The following CDHR3 variants were observed in gnomAD, a reference collection of about 807,000 sequenced individuals.
CDHR3 encodes the protein cadherin related family member 3.
CDHR3 carries 79 observed loss-of-function variants against 86.6 expected under a neutral mutation model. The ratio of observed to expected loss-of-function variants is 0.91; its 90% CI spans 0.76 to 1.10. CDHR3 has a LOEUF of 1.10. CDHR3 is among the 50% of genes least tolerant of loss of function. The pLI, the probability that CDHR3 is intolerant of heterozygous loss-of-function variation, is 0.00. For missense variants in CDHR3, 1,081 were observed against 1,077.6 expected, an observed-to-expected ratio of 1.00 and a Z score of -0.04; for synonymous variants, 421 against 402.4, an observed-to-expected ratio of 1.05 and a Z score of -0.55.
At chr7:105,989,488 G>A (rs1831034994) in intron 4 of CDHR3, among the ~76,000 whole-genome samples, 1 of 152,006 alleles carries the variant, frequency 6.6e-6, no homozygotes, top group Non-Finnish European at 1.5e-5. Context: ...CTTCACCAAG[G>A]CAGACAAAGG....
chr7:106,017,352 A>T (rs1481383433), intron 11 of CDHR3, among the ~76,000 whole-genome samples: 2 of 152,052 alleles, frequency 1.3e-5, no homozygotes, highest in Admixed American at 6.6e-5. Flanking sequence ...AGGTCAGGAG[A>T]TCGAAACCAG....
At chr7:105,972,183 A>G (rs1379043164) in intron 1 of CDHR3, among the ~76,000 whole-genome samples, 1 of 152,132 alleles carries the variant, frequency 6.6e-6, no homozygotes, top group Admixed American at 6.5e-5. Context: ...TCAGATGTGT[A>G]CAATGGTGAC....
chr7:105,975,768 C>T (rs1828706897), intron 2 of CDHR3, among the ~76,000 whole-genome samples: 1 of 152,158 alleles, frequency 6.6e-6, no homozygotes, highest in Non-Finnish European at 1.5e-5. Context: ...GTATTCCCTG[C>T]CCCCACCTCC....
chr7:105,984,180 A>C lies in CDHR3; in HGVS notation c.416-12A>C. On this transcript the variant is annotated splice_polypyrimidine_tract_variant and intron_variant, in intron 3 of 18. Transcript: ENST00000317716. The stretch of plus-strand genomic sequence containing the variant: ...TAAGATGTTTCTTATTCCACTTTGG[A>C]CACTGGTCTAGGTCTACACCTCTAC... 6.6e-7 allele frequency: 1 copy of C among 1,506,222 alleles called. No individual in the cohort carries two copies. 93.3% of individuals were successfully genotyped at this position (1,506,222 alleles called of 1,614,324 possible). A position where few individuals can be genotyped will look rare whatever the true frequency, so the allele number is the denominator to read the frequency against.
intron 6 of CDHR3, among the ~76,000 whole-genome samples, chr7:105,998,413 TGGTG>T (rs1832596738): frequency 1.3e-5 from 2 of 152,332 alleles, no homozygotes; most frequent in African/African-American, 4.8e-5. Flanking sequence ...TTACCCCTGG[TGGTG>T]ACAAATGTCA....
At chr7:105,984,776 T>G (rs1293078260) in intron 4 of CDHR3, among the ~76,000 whole-genome samples, 2 of 152,058 alleles carry the variant, frequency 1.3e-5, no homozygotes, top group Non-Finnish European at 2.9e-5. Context: ...GAGCCAAGTT[T>G]AAAAAATTAA....
intron 8 of CDHR3, among the ~76,000 whole-genome samples, chr7:106,007,756 C>T (rs534538011): frequency 2.6e-5 from 4 of 152,206 alleles, no homozygotes; most frequent in Admixed American, 2.6e-4. Flanking sequence ...TTCTTTTAAG[C>T]CCACCAAACT....
At chr7:106,007,883 A>G (rs1396927380) in intron 8 of CDHR3, among the ~76,000 whole-genome samples, 1 of 152,220 alleles carries the variant, frequency 6.6e-6, no homozygotes, top group African/African-American at 2.4e-5. Flanking sequence ...TCATACTGCT[A>G]ATAAAGACAT....
rs1266746703 is a variant in CDHR3, at chr7:105,966,382, A to G, written c.46+3018A>G. On this transcript the variant is annotated intron_variant, in intron 1 of 18. Coordinates refer to ENST00000317716, the MANE Select transcript of CDHR3 (RefSeq NM_152750.5). ...AAAAGGTACCAAACCCATCCAACTG[A>G]GTTTGTCCGCAAGCTCTGGGCAAGA... 2.6e-5 allele frequency among the ~76,000 whole-genome samples: 4 copies of G among 152,150 alleles called. No homozygotes were observed. In the East Asian group the frequency reaches 7.7e-4, roughly 29 times the overall value.
chr7:106,003,393 C>A (rs1041400446), intron 7 of CDHR3, among the ~76,000 whole-genome samples: 4 of 152,172 alleles, frequency 2.6e-5, no homozygotes, highest in African/African-American at 9.7e-5. Context: ...CTATAACCAT[C>A]TTTTTCTGGG....
chr7:106,031,798 A>G (rs975284281), intron 18 of CDHR3, among the ~76,000 whole-genome samples: 13 of 152,100 alleles, frequency 8.5e-5, no homozygotes, highest in Admixed American at 2.6e-4. Context: ...TTGAGAGAAA[A>G]AAAAAAAAAG....
chr7:106,019,427 C>G (rs73195667), intron 12 of CDHR3, among the ~76,000 whole-genome samples: 6,100 of 150,802 alleles, frequency 0.04, 169 homozygotes, highest in South Asian at 0.13. Context: ...GGACTCCACT[C>G]TGGGGGCTAA....
chr7:106,018,206 T>C, intron 12 of CDHR3, 134 bp downstream of exon 12: 1 of 672,540 alleles, frequency 1.5e-6, no homozygotes, highest in South Asian at 1.9e-5. Flanking sequence ...GAGAAACAAG[T>C]AAAGGTGCCC....
chr7:105,978,389 C>T (rs1404206612), intron 2 of CDHR3, among the ~76,000 whole-genome samples: 5 of 152,186 alleles, frequency 3.3e-5, no homozygotes, highest in Admixed American at 3.3e-4. Context: ...CTTGACTCCC[C>T]TCTTTTCCCA....
At position 105,964,439 on chromosome 7, in the gene CDHR3, T is replaced by C. The variant is rs574617296; in HGVS notation, c.46+1075T>C. 1.1e-4 allele frequency among the ~76,000 whole-genome samples: 17 copies of C among 152,234 alleles called. No individual in the cohort carries two copies. The East Asian group carries it at 3.3e-3, about 29-fold the overall frequency. On this transcript the variant is annotated intron_variant, in intron 1 of 18. Coordinates refer to ENST00000317716, the MANE Select transcript of CDHR3 (RefSeq NM_152750.5). ...ACATTTATATTCTTCTTCTCCTATG[T>C]CTATAGCTCCTATTTTTTTCTTATC... is the stretch of plus-strand genomic sequence containing the variant.
At chr7:106,027,214 G>A (rs751905612) in intron 16 of CDHR3, among the ~76,000 whole-genome samples, 1 of 152,060 alleles carries the variant, frequency 6.6e-6, no homozygotes, top group Non-Finnish European at 1.5e-5. Context: ...GGCCAGCATG[G>A]TGAAACCCCC....
chr7:105,989,579 T>C (rs935812225), intron 4 of CDHR3, among the ~76,000 whole-genome samples: 7 of 152,214 alleles, frequency 4.6e-5, no homozygotes, highest in Middle Eastern at 6.8e-3. Context: ...TTTCTGTCTT[T>C]ATCTTGCTCA....
intron 8 of CDHR3, among the ~76,000 whole-genome samples, chr7:106,007,617 A>C (rs1467091655): frequency 6.6e-6 from 1 of 152,238 alleles, no homozygotes; most frequent in Non-Finnish European, 1.5e-5. Flanking sequence ...TCCAGTTCCC[A>C]ACAAGTTCCT....
chr7:106,015,078 T>C (rs1048968737), intron 9 of CDHR3, 33 bp from the exon 10 acceptor site: 16 of 1,506,792 alleles, frequency 1.1e-5, no homozygotes, highest in Middle Eastern at 1.7e-4. Context: ...GATTGTTTAA[T>C]CTGTATAATC....
Sources: allele counts gnomAD v4.1 joint callset (sites outside exome capture counted in the v4.1 genomes callset), GRCh38; gene constraint gnomAD v4.1.1; transcripts MANE v1.5; gene names NCBI Gene and HGNC (gene_info 2026-07-23, HGNC 2026-07-21).